DMRTA1: variants seen among roughly 807,000 people sequenced by gnomAD.
The protein encoded by DMRTA1 is doublesex- and mab-3-related transcription factor A1.
DMRTA1 carries 34 observed loss-of-function variants against 35.2 expected under a neutral mutation model. The observed-to-expected ratio is 0.97, with a 90% CI of 0.74 to 1.29. The LOEUF is 1.29. DMRTA1 is among the 50% of genes most tolerant of loss of function. The pLI, the probability that DMRTA1 is intolerant of heterozygous loss-of-function variation, is 0.00. For synonymous variants in DMRTA1, 344 were observed against 276.6 expected, an observed-to-expected ratio of 1.24 and a Z score of -2.42; for missense variants, 824 against 644.6, an observed-to-expected ratio of 1.28 and a Z score of -3.01.
chr9:22,453,589 A>G lies in DMRTA1; in HGVS notation c.*1678A>G, dbSNP rs1202095273. The G allele has an allele frequency of 6.6e-6, 1 of 152,106 alleles. No homozygotes were observed. The highest frequency in any genetic ancestry group is 1.5e-5 in the Non-Finnish European group (1 of 67,954). The allele number at this position is 152,106 out of a possible 1,614,324, so 9.4% of individuals were successfully genotyped here. ...ATATTCTAAGCCTAAACCGTAGTAC[A>G]ATGTCTAGCAAGTAGTTGAAATTCA... On this transcript the variant is annotated 3_prime_UTR_variant, in exon 2 of 2. Transcript: ENST00000325870.
chr9:22,448,325 T>G (rs984851309), intron 1 of DMRTA1, among the ~76,000 whole-genome samples: 1 of 152,228 alleles, frequency 6.6e-6, no homozygotes, highest in African/African-American at 2.4e-5. Context: ...AAACATTTGT[T>G]GCAAGCTTGA....
At position 22,447,014 on chromosome 9, in the gene DMRTA1, C is replaced by G; in HGVS notation, c.-52C>G. On this transcript the variant is annotated 5_prime_UTR_variant, in exon 1 of 2. Coordinates refer to ENST00000325870, the MANE Select transcript of DMRTA1 (RefSeq NM_022160.3). ...TTCCCCAGCCTCCCAGCAGGGTTAG[C>G]TGCGGTCAGCGCACTTTCCACTTGG... The G allele has an allele frequency of 5.7e-6, 9 of 1,570,436 alleles. No homozygotes were observed. The highest frequency in any genetic ancestry group is 7.8e-6 in the Non-Finnish European group (9 of 1,158,894).
In DMRTA1 at chr9:22,447,542, C is replaced by T; in HGVS notation, c.477C>T (p.Leu159=). ...GCGAAGCCCGGGGGCTACAGAGGCT[C>T]CTGTGCTCGGGGCTCTCCTGGCCCC... ...EESEARGLQR[L]LCSGLSWPPG... The change falls in exon 1 of 2, where the codon CTC becomes CTT. Residue 159 remains leucine, a synonymous_variant. Coordinates refer to ENST00000325870, the MANE Select transcript of DMRTA1 (RefSeq NM_022160.3). The T allele has an allele frequency of 6.3e-7, 1 of 1,587,160 alleles. No individual in the cohort carries two copies. Among genetic ancestry groups the T allele is most frequent in the Non-Finnish European group, 8.6e-7 (1 of 1,167,308 alleles).
At chr9:22,449,366 A>G (rs1818889708) in intron 1 of DMRTA1, among the ~76,000 whole-genome samples, 1 of 152,204 alleles carries the variant, frequency 6.6e-6, no homozygotes, top group South Asian at 2.1e-4. Flanking sequence ...GATAAATGCA[A>G]TAGAAGTAAA....
chr9:22,451,343 A>G lies in DMRTA1; in HGVS notation c.947A>G (p.Lys316Arg), dbSNP rs150709609. The G allele has an allele frequency of 5.2e-5, 84 of 1,614,006 alleles. No individual in the cohort carries two copies. The highest frequency in any genetic ancestry group is 6.7e-5 in the Non-Finnish European group (79 of 1,179,990). ...SEWVKDLTAT[K>R]ASLPTVSSRP... ...TGGGTCAAAGACTTGACTGCGACCA[A>G]GGCAAGCCTTCCGACAGTGTCCTCA... The change falls in exon 2 of 2, where the codon AAG becomes AGG. Residue 316 changes from lysine (K) to arginine (R), a missense_variant. Physicochemically the swap from Lys to Arg is conservative, Grantham distance 26. Coordinates refer to ENST00000325870, the MANE Select transcript of DMRTA1 (RefSeq NM_022160.3).
At chr9:22,450,608 ATTATTCCTT>A (rs1818909839) in intron 1 of DMRTA1, among the ~76,000 whole-genome samples, 1 of 152,158 alleles carries the variant, frequency 6.6e-6, no homozygotes, top group Non-Finnish European at 1.5e-5. Flanking sequence ...TCAAACTAAG[ATTATTCCTT>A]TTATTCCTTA....
rs899604982 is a variant in DMRTA1, at chr9:22,454,794, C to T, written c.*2883C>T. 1.3e-5 allele frequency: 2 copies of T among 152,106 alleles called. No homozygotes were observed. The highest frequency in any genetic ancestry group is 4.8e-5 in the African/African-American group (2 of 41,422). The allele number at this position is 152,106 out of a possible 1,614,324, so 9.4% of individuals were successfully genotyped here. On this transcript the variant is annotated 3_prime_UTR_variant, in exon 2 of 2. Transcript: ENST00000325870. ...AGAACATAAGGAATGACTTTTTTCA[C>T]AGTTAACAGCTGTCCAAGAGTGTAG...
intron 1 of DMRTA1, among the ~76,000 whole-genome samples, chr9:22,450,752 T>C (rs780211821): frequency 4.6e-5 from 7 of 152,164 alleles, no homozygotes; most frequent in Non-Finnish European, 7.4e-5. Context: ...GTGTGCCATA[T>C]TGGTGTTATG....
rs1818961637 is a variant in DMRTA1 at position 22,453,460 on chromosome 9, ATG to A, written c.*1553_*1554del. On this transcript the variant is annotated 3_prime_UTR_variant, in exon 2 of 2. Transcript: ENST00000325870. ...TATCTGATGCTGATTTAGGATGTAAATGTGTTTATTAGGTTATGCATTAATTT... is the reference window on the plus strand; with the variant it reads ...TATCTGATGCTGATTTAGGATGTAAATGTTTATTAGGTTATGCATTAATTT... 6.6e-6 allele frequency: 1 copy of A among 152,072 alleles called. No homozygotes were observed. Among genetic ancestry groups the A allele is most frequent in the Non-Finnish European group, 1.5e-5 (1 of 67,954 alleles). 9.4% of individuals were successfully genotyped at this position (152,072 alleles called of 1,614,324 possible). A position where few individuals can be genotyped will look rare whatever the true frequency, so the allele number is the denominator to read the frequency against.
In DMRTA1 at chr9:22,451,843, T is replaced by C; in HGVS notation, c.1447T>C (p.Tyr483His). The C allele has an allele frequency of 1.2e-6, 2 of 1,614,038 alleles. No individual in the cohort carries two copies. Among genetic ancestry groups the C allele is most frequent in the East Asian group, 2.2e-5 (1 of 44,874 alleles). Residue 483 changes from tyrosine (Y) to histidine (H), a missense_variant, in exon 2 of 2, where the codon TAC (tyrosine) becomes CAC (histidine). By Grantham distance (83) the Tyr-to-His change is moderately conservative. Coordinates refer to ENST00000325870, the MANE Select transcript of DMRTA1 (RefSeq NM_022160.3). ...TTCAGGGATGATTAGAGATTCTTCC[T>C]ACCTTTCCAGTAAAGACTCAATAAC... ...AFSGMIRDSS[Y>H]LSSKDSITCG...
rs998544543 is a variant in DMRTA1, at chr9:22,455,064, A to C, written c.*3153A>C. ...AATAAAACACAGTGCAGTTTTGCTC[A>C]TCAGAATTTTGCCTATGTGATAGCC... On this transcript the variant is annotated 3_prime_UTR_variant, in exon 2 of 2. Transcript: ENST00000325870. 3.3e-5 allele frequency: 5 copies of C among 152,226 alleles called. No individual in the cohort carries two copies. Among genetic ancestry groups the C allele is most frequent in the African/African-American group, 1.2e-4 (5 of 41,462 alleles). 9.4% of individuals were successfully genotyped at this position (152,226 alleles called of 1,614,324 possible).
chr9:22,447,501 C>G lies in DMRTA1; in HGVS notation c.436C>G (p.Gln146Glu). 1.3e-6 allele frequency: 2 copies of G among 1,565,230 alleles called. No homozygotes were observed. The highest frequency in any genetic ancestry group is 2.3e-5 in the South Asian group (2 of 86,782). The change falls in exon 1 of 2, where the codon CAG becomes GAG. Residue 146 changes from glutamine (Q) to glutamate (E), a missense_variant. Gln to Glu is a conservative substitution (Grantham distance 29). Transcript: ENST00000325870. ...MAAQVALRRQ[Q>E]AQEESEARGL... ...CGCCCAGGTGGCGCTGCGCAGGCAG[C>G]AGGCGCAGGAGGAGAGCGAAGCCCG...
Position 22,451,884 on chromosome 9 carries a change from C to T in DMRTA1, c.1488C>T (p.Tyr496=), listed in dbSNP as rs201004574. 1.9e-6 allele frequency: 3 copies of T among 1,613,948 alleles called. No individual in the cohort carries two copies. Among genetic ancestry groups the T allele is most frequent in the Non-Finnish European group, 2.5e-6 (3 of 1,179,876 alleles). Residue 496 remains tyrosine, a synonymous_variant, in exon 2 of 2, where the codon TAC becomes TAT. Transcript: ENST00000325870. ...SKDSITCGRL[Y]FRPNQDNP ...ACTCAATAACTTGTGGCAGACTGTA[C>T]TTCAGACCAAATCAGGACAATCCGT...
chr9:22,451,039 A>ATTTTTTTTT (rs370079512), intron 1 of DMRTA1, 25 bp from the exon 2 acceptor site: 2 of 1,578,800 alleles, frequency 1.3e-6, no homozygotes, highest in South Asian at 1.1e-5. Flanking sequence ...CCTGTATTTG[A>ATTTTTTTTT]TTTTTTTTTC....
chr9:22,447,336 T>C lies in DMRTA1; in HGVS notation c.271T>C (p.Tyr91His). ...ESGVGAVGCGYPRTPKCARCR... is the reference protein window; with the variant it reads ...ESGVGAVGCGHPRTPKCARCR... Reference sequence around the variant, plus strand: ...CGGGGTAGGCGCGGTGGGCTGCGGCTACCCGCGGACGCCCAAGTGCGCCCG... The same window carrying C: ...CGGGGTAGGCGCGGTGGGCTGCGGCCACCCGCGGACGCCCAAGTGCGCCCG... The change falls in exon 1 of 2, where the codon TAC (tyrosine) becomes CAC (histidine). Residue 91 changes from tyrosine (Y) to histidine (H), a missense_variant. By Grantham distance (83) the Tyr-to-His change is moderately conservative. Coordinates refer to ENST00000325870, the MANE Select transcript of DMRTA1 (RefSeq NM_022160.3). 1 of 1,531,466 alleles carries C rather than the reference T, an allele frequency of 6.5e-7. No homozygotes were observed. Among genetic ancestry groups the C allele is most frequent in the Non-Finnish European group, 8.7e-7 (1 of 1,143,530 alleles). The allele number at this position is 1,531,466 out of a possible 1,614,324, so 94.9% of individuals were successfully genotyped here. A position where few individuals can be genotyped will look rare whatever the true frequency, so the allele number is the denominator to read the frequency against.
rs1818950663 is a variant in DMRTA1 at position 22,452,718 on chromosome 9, T to C, written c.*807T>C. 1 of 152,168 alleles carries C rather than the reference T, an allele frequency of 6.6e-6. No individual in the cohort carries two copies. The highest frequency in any genetic ancestry group is 1.5e-5 in the Non-Finnish European group (1 of 67,986). 9.4% of individuals were successfully genotyped at this position (152,168 alleles called of 1,614,324 possible). A position where few individuals can be genotyped will look rare whatever the true frequency, so the allele number is the denominator to read the frequency against. On this transcript the variant is annotated 3_prime_UTR_variant, in exon 2 of 2. Transcript: ENST00000325870. ...TTCAAATAGTCATTTTGGATTATAC[T>C]ACATTAAAATTTCCATACTGTAAAG...
In DMRTA1 at chr9:22,451,349, G is replaced by A. The variant is rs776947180; in HGVS notation, c.953G>A (p.Ser318Asn). 3 of 1,614,094 alleles carry A rather than the reference G, an allele frequency of 1.9e-6. No individual in the cohort carries two copies. Among genetic ancestry groups the A allele is most frequent in the South Asian group, 1.1e-5 (1 of 91,084 alleles). The stretch of plus-strand genomic sequence containing the variant: ...AAAGACTTGACTGCGACCAAGGCAA[G>A]CCTTCCGACAGTGTCCTCAAGACCA... ...WVKDLTATKA[S>N]LPTVSSRPRD... Residue 318 changes from serine (S) to asparagine (N), a missense_variant, in exon 2 of 2, where the codon AGC becomes AAC. Transcript: ENST00000325870.
chr9:22,448,863 A>T (rs968432752), intron 1 of DMRTA1, among the ~76,000 whole-genome samples: 3 of 152,144 alleles, frequency 2.0e-5, no homozygotes, highest in African/African-American at 7.2e-5. Context: ...CACATATTCT[A>T]ATTTATTTGA....
chr9:22,451,756 C>T lies in DMRTA1; in HGVS notation c.1360C>T (p.Pro454Ser). 1 of 1,614,034 alleles carries T rather than the reference C, an allele frequency of 6.2e-7. No individual in the cohort carries two copies. Among genetic ancestry groups the T allele is most frequent in the Non-Finnish European group, 8.5e-7 (1 of 1,179,914 alleles). ...AGRGLSGFMS[P>S]YLTPGLVPTL... ...AAGAGGGTTATCTGGTTTTATGTCA[C>T]CCTACCTAACACCTGGGTTAGTACC... The change falls in exon 2 of 2, where the codon CCC (proline) becomes TCC (serine). Residue 454 changes from proline (P) to serine (S), a missense_variant. Transcript: ENST00000325870.
Sources: allele counts gnomAD v4.1 joint callset (sites outside exome capture counted in the v4.1 genomes callset), GRCh38; gene constraint gnomAD v4.1.1; transcripts MANE v1.5; gene names NCBI Gene and HGNC (gene_info 2026-07-23, HGNC 2026-07-21).